The following PRKCA variants were observed in gnomAD, a reference collection of about 807,000 sequenced individuals.
The protein encoded by PRKCA is protein kinase C alpha.
A neutral mutation model predicts 87.0 loss-of-function variants in PRKCA; 27 were observed. The observed-to-expected ratio is 0.31, with a 90% CI of 0.23 to 0.43. PRKCA has a LOEUF of 0.43. PRKCA is among the 20% of genes least tolerant of loss of function. The pLI is 1.00. For synonymous variants in PRKCA, 329 were observed against 311.1 expected, an observed-to-expected ratio of 1.06 and a Z score of -0.61; for missense variants, 518 against 852.3, an observed-to-expected ratio of 0.61 and a Z score of 4.88.
chr17:66,774,877 G>T, intron 14 of PRKCA: 1 of 985,424 alleles, frequency 1.0e-6, no homozygotes, highest in Non-Finnish European at 1.2e-6. Flanking sequence ...CAGTGAGGCT[G>T]AACATCCAGT....
intron 3 of PRKCA, among the ~76,000 whole-genome samples, chr17:66,622,397 G>A (rs1302086760): frequency 6.6e-6 from 1 of 152,222 alleles, no homozygotes; most frequent in Non-Finnish European, 1.5e-5. Flanking sequence ...CAACAGGGCA[G>A]ATCAGAAGCC....
intron 2 of PRKCA, among the ~76,000 whole-genome samples, chr17:66,410,099 A>G (rs1001706915): frequency 3.3e-5 from 5 of 152,122 alleles, no homozygotes; most frequent in Non-Finnish European, 5.9e-5. Flanking sequence ...GAAGGTGAGG[A>G]CTGGTTCAAT....
At chr17:66,675,763 G>A (rs1162163631) in intron 5 of PRKCA, among the ~76,000 whole-genome samples, 3 of 152,242 alleles carry the variant, frequency 2.0e-5, no homozygotes, top group East Asian at 1.9e-4. Flanking sequence ...TGCGGCCACC[G>A]GAGCCTGCCT....
chr17:66,350,452 T>G (rs1017644795), intron 2 of PRKCA, among the ~76,000 whole-genome samples: 3 of 152,136 alleles, frequency 2.0e-5, no homozygotes, highest in Non-Finnish European at 2.9e-5. Context: ...AAAATGGAAA[T>G]AAAAATCTAA....
At position 66,385,048 on chromosome 17, in the gene PRKCA, A is replaced by T. The variant is rs571220550; in HGVS notation, c.205+78921A>T. Among the ~76,000 whole-genome samples the T allele has an allele frequency of 3.3e-5, 5 of 152,302 alleles. No individual in the cohort carries two copies. The South Asian group carries it at 1.0e-3, about 32-fold the overall frequency. On this transcript the variant is annotated intron_variant, in intron 2 of 16. Transcript: ENST00000413366. ...TTGTGCAGTATTATCTTTCTGAATT[A>T]TGTAGCAATTTTGCTTTACCCAGGA...
chr17:66,511,484 C>T (rs1021543277), intron 3 of PRKCA, among the ~76,000 whole-genome samples: 3 of 152,046 alleles, frequency 2.0e-5, no homozygotes, highest in African/African-American at 2.4e-5. Flanking sequence ...TCATCGTAAT[C>T]GTTGTTTTTT....
chr17:66,737,119 A>G (rs913656156), intron 10 of PRKCA, among the ~76,000 whole-genome samples: 3 of 151,726 alleles, frequency 2.0e-5, no homozygotes, highest in Admixed American at 6.6e-5. Context: ...GTGGGAGGCC[A>G]AGGCGGGCAG....
intron 8 of PRKCA, among the ~76,000 whole-genome samples, chr17:66,732,101 A>T: frequency 6.9e-6 from 1 of 144,496 alleles, no homozygotes; most frequent in Admixed American, 7.0e-5. Flanking sequence ...TTGTGAGTTC[A>T]ACTCTTGATT....
At chr17:66,591,746 T>C (rs749637207) in intron 3 of PRKCA, among the ~76,000 whole-genome samples, 3 of 152,012 alleles carry the variant, frequency 2.0e-5, no homozygotes, top group Non-Finnish European at 4.4e-5. Flanking sequence ...CCTTGTGGAG[T>C]TGTCCTGGAA....
At chr17:66,462,556 TTC>T (rs1323019186) in intron 2 of PRKCA, among the ~76,000 whole-genome samples, 1 of 152,214 alleles carries the variant, frequency 6.6e-6, no homozygotes, top group Non-Finnish European at 1.5e-5. Context: ...ATAAATTTGT[TTC>T]TTTCTCAAAA....
chr17:66,774,619 A>C, intron 14 of PRKCA: 4 of 987,390 alleles, frequency 4.1e-6, no homozygotes, highest in Non-Finnish European at 4.8e-6. Flanking sequence ...AGACGGTCTC[A>C]AAAAAGAAAA....
intron 2 of PRKCA, among the ~76,000 whole-genome samples, chr17:66,491,947 T>C (rs1008516234): frequency 6.6e-6 from 1 of 152,222 alleles, no homozygotes; most frequent in Non-Finnish European, 1.5e-5. Context: ...TCCTCTTTCC[T>C]GTTCCCCTCA....
At chr17:66,617,647 A>G (rs1403444584) in intron 3 of PRKCA, among the ~76,000 whole-genome samples, 1 of 152,188 alleles carries the variant, frequency 6.6e-6, no homozygotes, top group Non-Finnish European at 1.5e-5. Context: ...TGTGGCCACA[A>G]ATGGGCACAT....
chr17:66,473,655 A>G (rs915287056), intron 2 of PRKCA, among the ~76,000 whole-genome samples: 4 of 152,136 alleles, frequency 2.6e-5, no homozygotes, highest in African/African-American at 9.7e-5. Context: ...GTGTTTTGGT[A>G]GAAACTCAAG....
intron 2 of PRKCA, among the ~76,000 whole-genome samples, chr17:66,319,513 T>C (rs1290388840): frequency 1.3e-5 from 2 of 152,162 alleles, no homozygotes; most frequent in Non-Finnish European, 2.9e-5. Context: ...TTTTATATTC[T>C]AGGTATTTTA....
intron 2 of PRKCA, among the ~76,000 whole-genome samples, chr17:66,454,637 G>C (rs2143937074): frequency 1.3e-5 from 2 of 152,312 alleles, no homozygotes; most frequent in Middle Eastern, 6.8e-3. Context: ...ACAAGAGTAA[G>C]AGCCAAGCGA....
intron 5 of PRKCA, among the ~76,000 whole-genome samples, chr17:66,665,436 G>A (rs1972017575): frequency 6.6e-6 from 1 of 152,172 alleles, no homozygotes; most frequent in Non-Finnish European, 1.5e-5. Flanking sequence ...CCAACACCCT[G>A]CACAGTGGAG....
chr17:66,454,969 C>T (rs546171423), intron 2 of PRKCA, among the ~76,000 whole-genome samples: 6 of 152,206 alleles, frequency 3.9e-5, no homozygotes, highest in East Asian at 3.9e-4. Flanking sequence ...ATGGAAGGGC[C>T]GGCAGATGGC....
intron 8 of PRKCA, among the ~76,000 whole-genome samples, chr17:66,722,804 A>C (rs564104986): frequency 7.2e-5 from 11 of 152,338 alleles, no homozygotes; most frequent in African/African-American, 2.6e-4. Context: ...AATCATAGCC[A>C]ATAAACTGTG....
Sources: gnomAD v4.1 joint callset for allele counts (sites outside exome capture counted in the v4.1 genomes callset) on GRCh38, gnomAD v4.1.1 for gene constraint, MANE v1.5 for transcripts, NCBI Gene and HGNC (gene_info 2026-07-23, HGNC 2026-07-21) for gene names.